Variants in EXD1 observed in about 807,000 individuals in gnomAD.
The protein encoded by EXD1 is piRNA biogenesis protein EXD1.
A neutral mutation model predicts 49.1 loss-of-function variants in EXD1; 63 were observed. That is an observed-to-expected ratio of 1.28 (90% CI 1.05 to 1.58). The LOEUF (loss-of-function observed/expected upper bound fraction) is 1.58. Ranked by LOEUF, EXD1 falls within the 40% of genes most tolerant of loss-of-function variation. EXD1 has a pLI of 0.00. For missense variants in EXD1, 748 were observed against 666.0 expected (o/e 1.12, Z -1.36); for synonymous variants, 234 against 239.2 (o/e 0.98, Z 0.20).
At chr15:41,189,095 C>T (rs954664739) in intron 11 of EXD1, among the ~76,000 whole-genome samples, 10 of 151,952 alleles carry the variant, frequency 6.6e-5, no homozygotes, top group Non-Finnish European at 1.3e-4. Flanking sequence ...AGGCCAAGCA[C>T]GGTGGCTTAT....
At chr15:41,224,965 C>CT (rs932848048) in intron 2 of EXD1, among the ~76,000 whole-genome samples, 2 of 131,558 alleles carry the variant, frequency 1.5e-5, no homozygotes, top group African/African-American at 3.8e-5. Context: ...ATGACTTTGT[C>CT]TTAAAAAAAA....
intron 2 of EXD1, among the ~76,000 whole-genome samples, chr15:41,222,951 AAAAAAAAAT>A (rs1183028668): frequency 1.3e-5 from 2 of 148,180 alleles, no homozygotes; most frequent in African/African-American, 5.2e-5. Flanking sequence ...AAAAAAAAAA[AAAAAAAAAT>A]TTTTTTTAGA....
intron 9 of EXD1, among the ~76,000 whole-genome samples, chr15:41,194,185 G>A (rs1390574471): frequency 6.6e-6 from 1 of 151,710 alleles, no homozygotes; most frequent in African/African-American, 2.4e-5. Flanking sequence ...CTAATTTTTT[G>A]TATTTTTAGT....
At chr15:41,223,542 G>T (rs918145759) in intron 2 of EXD1, among the ~76,000 whole-genome samples, 4 of 151,894 alleles carry the variant, frequency 2.6e-5, no homozygotes, top group Admixed American at 6.6e-5. Flanking sequence ...GCAACATAGT[G>T]AGACCCCATC....
intron 2 of EXD1, among the ~76,000 whole-genome samples, chr15:41,225,758 T>C (rs181146717): frequency 5.4e-5 from 8 of 148,030 alleles, no homozygotes; most frequent in African/African-American, 1.2e-4. Flanking sequence ...CATGGTGGTG[T>C]GTGCCCGTAA....
chr15:41,214,335 AC>A (rs2046967657), intron 6 of EXD1, among the ~76,000 whole-genome samples: 1 of 151,670 alleles, frequency 6.6e-6, no homozygotes, highest in South Asian at 2.1e-4. Context: ...ACATGGCAAA[AC>A]CCCATCTCTA....
intron 6 of EXD1, among the ~76,000 whole-genome samples, chr15:41,215,393 A>G (rs1208676808): frequency 6.6e-6 from 1 of 152,114 alleles, no homozygotes; most frequent in Non-Finnish European, 1.5e-5. Flanking sequence ...ATCTTATAAT[A>G]AAGAAATTTA....
intron 6 of EXD1, among the ~76,000 whole-genome samples, chr15:41,211,857 G>A (rs1462561267): frequency 2.0e-5 from 3 of 151,804 alleles, no homozygotes; most frequent in Non-Finnish European, 4.4e-5. Context: ...AGTTACTCAG[G>A]AGGCTGAGGT....
intron 9 of EXD1, among the ~76,000 whole-genome samples, chr15:41,194,745 A>G (rs377531611): frequency 4.1e-4 from 62 of 152,318 alleles, no homozygotes; most frequent in African/African-American, 1.4e-3. Context: ...CAAGGTCTTC[A>G]TTAGACAATA....
intron 7 of EXD1, among the ~76,000 whole-genome samples, chr15:41,208,582 GTC>G (rs1468655771): frequency 6.6e-6 from 1 of 151,442 alleles, no homozygotes; most frequent in Non-Finnish European, 1.5e-5. Context: ...GTGAAACCCC[GTC>G]TCTACTAAAA....
At chr15:41,217,005 G>C in intron 4 of EXD1, 92 bp downstream of exon 4, 1 of 1,346,656 alleles carries the variant, frequency 7.4e-7, no homozygotes, top group Non-Finnish European at 1.0e-6. Context: ...TTATGCCAAG[G>C]AATTAAGCAG....
intron 10 of EXD1, 129 bp downstream of exon 10, chr15:41,191,313 C>T (rs1169037898): frequency 1.9e-5 from 15 of 774,814 alleles, no homozygotes; most frequent in Middle Eastern, 7.6e-4. Flanking sequence ...CCATTTGGTA[C>T]AGTTAAGATT....
chr15:41,187,312 ACTC>A (rs1384214959), intron 11 of EXD1, among the ~76,000 whole-genome samples: 9 of 150,214 alleles, frequency 6.0e-5, no homozygotes, highest in Non-Finnish European at 1.0e-4. Flanking sequence ...CTGGTCTTGA[ACTC>A]CTGACCTCAG....
At chr15:41,217,551 G>C in intron 3 of EXD1, among the ~76,000 whole-genome samples, 1 of 96,058 alleles carries the variant, frequency 1.0e-5, no homozygotes, top group Non-Finnish European at 1.8e-5. Flanking sequence ...TTTTTTTTGA[G>C]ATGAAGTCTC....
chr15:41,227,070 T>C (rs2047174083), intron 1 of EXD1, among the ~76,000 whole-genome samples: 1 of 152,208 alleles, frequency 6.6e-6, no homozygotes, highest in Non-Finnish European at 1.5e-5. Flanking sequence ...ATAACTCTGG[T>C]TGAGAATTTA....
chr15:41,221,074 T>C (rs2047081622), intron 2 of EXD1, among the ~76,000 whole-genome samples: 1 of 152,162 alleles, frequency 6.6e-6, no homozygotes, highest in Non-Finnish European at 1.5e-5. Context: ...TACCTAGAGC[T>C]ACCATATTGA....
rs1284330799 is a variant in EXD1 at position 41,183,097 on chromosome 15, C to A, written c.*834G>T. 1 of 152,272 alleles carries A rather than the reference C, an allele frequency of 6.6e-6. No homozygotes were observed. Among genetic ancestry groups the A allele is most frequent in the Non-Finnish European group, 1.5e-5 (1 of 68,092 alleles). 9.4% of individuals were successfully genotyped at this position (152,272 alleles called of 1,614,324 possible). On this transcript the variant is annotated 3_prime_UTR_variant, in exon 12 of 12. Transcript: ENST00000458580. ...GGTCAGTCAGGAGTTCGAGACCAGCCTGGCCAACATGGTGAAACCCCATCT... is the reference window on the plus strand; with the variant it reads ...GGTCAGTCAGGAGTTCGAGACCAGCATGGCCAACATGGTGAAACCCCATCT...
intron 10 of EXD1, 101 bp downstream of exon 10, chr15:41,191,341 A>G: frequency 9.0e-7 from 1 of 1,115,812 alleles, no homozygotes; most frequent in South Asian, 1.5e-5. Context: ...TGTTCATATG[A>G]TAACATGGCA....
At chr15:41,199,747 T>TAA in intron 7 of EXD1, among the ~76,000 whole-genome samples, 1 of 99,762 alleles carries the variant, frequency 1.0e-5, no homozygotes, top group Non-Finnish European at 1.9e-5. Flanking sequence ...ATGTCATATA[T>TAA]TATATATGAT....
Sources: allele counts gnomAD v4.1 joint callset (sites outside exome capture counted in the v4.1 genomes callset), GRCh38; gene constraint gnomAD v4.1.1; transcripts MANE v1.5; gene names NCBI Gene and HGNC (gene_info 2026-07-23, HGNC 2026-07-21).